Variants in TXNRD1 observed in about 807,000 individuals in gnomAD.
TXNRD1 encodes thioredoxin reductase 1.
TXNRD1 carries 57 observed loss-of-function variants against 80.3 expected under a neutral mutation model. The observed-to-expected ratio is 0.71, with a 90% CI of 0.57 to 0.89. TXNRD1 has a LOEUF of 0.89. Among genes scored for constraint, TXNRD1 ranks in the 40% least tolerant of loss-of-function variants. TXNRD1 has a pLI of 0.00. For missense variants in TXNRD1, 730 were observed against 803.0 expected (o/e 0.91, Z 1.10); for synonymous variants, 291 against 285.2 (o/e 1.02, Z -0.20).
At chr12:104,267,697 CTT>C (rs10658795) in intron 3 of TXNRD1, among the ~76,000 whole-genome samples, 2 of 21,566 alleles carry the variant, frequency 9.3e-5, no homozygotes, top group Admixed American at 4.2e-4. Flanking sequence ...TTCTTTCTTT[CTT>C]TCTCTCTTTC....
intron 1 of TXNRD1, among the ~76,000 whole-genome samples, chr12:104,239,379 G>C (rs1234786117): frequency 6.6e-6 from 1 of 151,970 alleles, no homozygotes; most frequent in African/African-American, 2.4e-5. Context: ...CTTTTTAGTA[G>C]AGACAGGGTT....
At chr12:104,280,543 T>G (rs1368675553) in intron 3 of TXNRD1, 2 of 152,206 alleles carry the variant, frequency 1.3e-5, no homozygotes, top group Non-Finnish European at 2.9e-5. Context: ...TAATTTTATG[T>G]GTCAACTTGG....
intron 1 of TXNRD1, among the ~76,000 whole-genome samples, chr12:104,228,461 G>A (rs549584167): frequency 1.2e-3 from 180 of 150,650 alleles, no homozygotes; most frequent in African/African-American, 3.9e-3. Flanking sequence ...GAGAAACCCC[G>A]TCTCTACTAA....
At chr12:104,311,996 ATATATGTGTATATATATG>A (rs1419038921) in intron 5 of TXNRD1, among the ~76,000 whole-genome samples, 2 of 40,456 alleles carry the variant, frequency 4.9e-5, no homozygotes, top group African/African-American at 1.3e-4. Context: ...AAATATATAT[ATATATGTGTATATATATG>A]TATATATACA....
intron 4 of TXNRD1, chr12:104,309,815 T>C: frequency 6.5e-7 from 1 of 1,534,934 alleles, no homozygotes; most frequent in African/African-American, 1.4e-5. Flanking sequence ...CTACTGGCTG[T>C]GTTTACCAGC....
intron 3 of TXNRD1, among the ~76,000 whole-genome samples, chr12:104,284,693 G>T (rs145503909): frequency 3.9e-5 from 6 of 152,226 alleles, no homozygotes; most frequent in Non-Finnish European, 7.4e-5. Context: ...TTATTATTAG[G>T]TATTTGGGGG....
intron 3 of TXNRD1, among the ~76,000 whole-genome samples, chr12:104,262,977 T>C (rs187494049): frequency 4.2e-4 from 64 of 152,282 alleles, no homozygotes; most frequent in African/African-American, 1.5e-3. Flanking sequence ...AACATTTTCT[T>C]CTTCCTTCTT....
chr12:104,310,815 G>A (rs1035755963), intron 4 of TXNRD1, among the ~76,000 whole-genome samples: 3 of 152,142 alleles, frequency 2.0e-5, no homozygotes, highest in Non-Finnish European at 4.4e-5. Flanking sequence ...TTTCATGCAG[G>A]TCAGTATCAA....
chr12:104,302,877 C>G (rs1377135310), intron 4 of TXNRD1, among the ~76,000 whole-genome samples: 1 of 152,126 alleles, frequency 6.6e-6, no homozygotes, highest in African/African-American at 2.4e-5. Flanking sequence ...TTCCAGTGAC[C>G]CCATTAAATC....
chr12:104,288,945 C>G lies in TXNRD1; in HGVS notation c.319C>G (p.Leu107Val), dbSNP rs1360173965. The part of the protein sequence containing the change: ...ELDQTEDGRA[L>V]EGTLSELAAE... ...GTGCCACACAGAGGACGGTCGGGCC[C>G]TGGAAGGAACGCTCTCGGAATTGGC... Residue 107 changes from leucine (L) to valine (V), a missense_variant, in exon 4 of 17, where the codon CTG becomes GTG. By Grantham distance (32) the Leu-to-Val change is conservative. Transcript: ENST00000525566. The G allele has an allele frequency of 2.5e-6, 4 of 1,613,930 alleles. No homozygotes were observed. The highest frequency in any genetic ancestry group is 2.5e-6 in the Non-Finnish European group (3 of 1,179,906).
rs2035202826 is a variant in TXNRD1 at position 104,313,249 on chromosome 12, C to A, written c.542C>A (p.Ala181Glu). ...GSGGLAAAKE[A>E]AQYGKKVMVL... ...TTTAATAATTTTATTTTCCAGGAGGCAGCCCAATATGGCAAGAAGGTGATG... is the reference window on the plus strand; with the variant it reads ...TTTAATAATTTTATTTTCCAGGAGGAAGCCCAATATGGCAAGAAGGTGATG... Residue 181 changes from alanine (A) to glutamate (E), a missense_variant, in exon 6 of 17, where the codon GCA (alanine) becomes GAA (glutamate). Physicochemically the swap from Ala to Glu is moderately radical, Grantham distance 107. Transcript: ENST00000525566. The A allele has an allele frequency of 4.4e-6, 7 of 1,582,302 alleles. No homozygotes were observed. Among genetic ancestry groups the A allele is most frequent in the Non-Finnish European group, 6.0e-6 (7 of 1,162,372 alleles).
chr12:104,251,029 C>T (rs1382337349), intron 1 of TXNRD1, among the ~76,000 whole-genome samples: 1 of 152,194 alleles, frequency 6.6e-6, no homozygotes, highest in Non-Finnish European at 1.5e-5. Flanking sequence ...AGTCTTGCTG[C>T]ATCTTGCCTG....
intron 16 of TXNRD1, among the ~76,000 whole-genome samples, chr12:104,343,251 A>C (rs1296176735): frequency 6.6e-6 from 1 of 152,218 alleles, no homozygotes; most frequent in Non-Finnish European, 1.5e-5. Context: ...ATGGTAACCC[A>C]GCCTGGTCAT....
chr12:104,288,585 C>G (rs1427973317), intron 3 of TXNRD1: 3 of 362,946 alleles, frequency 8.3e-6, no homozygotes, highest in African/African-American at 6.2e-5. Flanking sequence ...TATTAAGCTT[C>G]TTTTTTGAAG....
chr12:104,230,075 T>C (rs561698417), intron 1 of TXNRD1, among the ~76,000 whole-genome samples: 6 of 146,858 alleles, frequency 4.1e-5, no homozygotes, highest in Non-Finnish European at 8.8e-5. Flanking sequence ...TTAACATTTT[T>C]TTCATTTTTT....
At chr12:104,277,698 GT>G (rs773611023) in intron 3 of TXNRD1, among the ~76,000 whole-genome samples, 13 of 149,032 alleles carry the variant, frequency 8.7e-5, no homozygotes, top group South Asian at 2.1e-4. Flanking sequence ...GGTTACCGGG[GT>G]TTTTTTTTTG....
chr12:104,271,819 A>G (rs2135725369), intron 3 of TXNRD1, among the ~76,000 whole-genome samples: 1 of 152,150 alleles, frequency 6.6e-6, no homozygotes, highest in East Asian at 1.9e-4. Context: ...GCAGTAAGCC[A>G]AGATCACATC....
At chr12:104,303,074 T>G (rs1269261941) in intron 4 of TXNRD1, among the ~76,000 whole-genome samples, 1 of 152,186 alleles carries the variant, frequency 6.6e-6, no homozygotes, top group Non-Finnish European at 1.5e-5. Flanking sequence ...TGCAGAGATC[T>G]CTACCCATTC....
chr12:104,297,227 C>G (rs559382987), intron 4 of TXNRD1, among the ~76,000 whole-genome samples: 1 of 151,072 alleles, frequency 6.6e-6, no homozygotes, highest in South Asian at 2.1e-4. Flanking sequence ...ATCGCTTGAA[C>G]CTGGGAGGTG....
Sources: allele counts gnomAD v4.1 joint callset (sites outside exome capture counted in the v4.1 genomes callset), GRCh38; gene constraint gnomAD v4.1.1; transcripts MANE v1.5; gene names NCBI Gene and HGNC (gene_info 2026-07-23, HGNC 2026-07-21).